The following MTHFD1 variants were observed in gnomAD, a reference collection of about 807,000 sequenced individuals.
The protein encoded by MTHFD1 is methylenetetrahydrofolate dehydrogenase, cyclohydrolase and formyltetrahydrofolate synthetase 1.
In MTHFD1, 44 loss-of-function variants were observed where a neutral mutation model predicts 110.3. The observed-to-expected ratio is 0.40, with a 90% CI of 0.31 to 0.51. The LOEUF is 0.51. Among genes scored for constraint, MTHFD1 ranks in the 20% least tolerant of loss-of-function variants. MTHFD1 has a pLI of 0.60. For missense variants in MTHFD1, 909 were observed against 1,173.1 expected (o/e 0.77, Z 3.29); for synonymous variants, 402 against 428.8 (o/e 0.94, Z 0.77).
intron 24 of MTHFD1, among the ~76,000 whole-genome samples, chr14:64,452,518 G>T (rs1328223987): frequency 6.6e-6 from 1 of 152,170 alleles, no homozygotes; most frequent in Non-Finnish European, 1.5e-5. Context: ...TGAAGGCTTT[G>T]CCCCGGAGGA....
In MTHFD1 at chr14:64,415,390, C is replaced by G; in HGVS notation, c.273C>G (p.Asp91Glu). ...VMKYITSLNE[D>E]STVHGFLVQL... ...AGTACATTACATCTTTGAATGAAGA[C>G]TCTACTGTACATGGGTTCTTAGTGC... The change falls in exon 5 of 28, where the codon GAC becomes GAG. Residue 91 changes from aspartate (D) to glutamate (E), a missense_variant. Physicochemically the swap from Asp to Glu is conservative, Grantham distance 45. Around this residue, in one of 3 missense-constraint regions of MTHFD1, gnomAD observed 424 missense variants for 510.4 expected, o/e 0.83. Transcript: ENST00000652337. 6.2e-7 allele frequency: 1 copy of G among 1,609,478 alleles called. No homozygotes were observed. The highest frequency in any genetic ancestry group is 1.7e-4 in the Middle Eastern group (1 of 6,054).
intron 3 of MTHFD1, 77 bp downstream of exon 3, chr14:64,411,226 G>C: frequency 1.8e-6 from 2 of 1,123,590 alleles, no homozygotes. Flanking sequence ...GCCCTTTTTG[G>C]TCCTCCCTGT....
At position 64,427,486 on chromosome 14, in the gene MTHFD1, C is replaced by T. The variant is rs2078127072; in HGVS notation, c.1264+13C>T. 1.2e-6 allele frequency: 2 copies of T among 1,613,968 alleles called. No homozygotes were observed. The highest frequency in any genetic ancestry group is 1.7e-5 in the Admixed American group (1 of 60,018). ...TTTGGAATAAAAGGTACTAGTGAGA[C>T]TGGACCATGGGTGGTGACAGGGGAC... On this transcript the variant is annotated intron_variant, in intron 12 of 27. Transcript: ENST00000652337.
chr14:64,452,756 A>G (rs1343105883), intron 24 of MTHFD1, among the ~76,000 whole-genome samples: 3 of 152,232 alleles, frequency 2.0e-5, no homozygotes, highest in African/African-American at 4.8e-5. Context: ...CCTCTCATAT[A>G]CAGACTGGGA....
chr14:64,424,822 G>A lies in MTHFD1; in HGVS notation c.746G>A (p.Gly249Glu). ...TGACCAGATGATAAAAAACCAAATG[G>A]GAGAAAAGTTGTGGGTGATGTGGCA... ...NYVPDDKKPNGRKVVGDVAYD... is the reference protein window; with the variant it reads ...NYVPDDKKPNERKVVGDVAYD... Residue 249 changes from glycine to glutamate, a missense_variant, in exon 9 of 28, where the codon GGG becomes GAG. Physicochemically the swap from Gly to Glu is moderately conservative, Grantham distance 98 (BLOSUM62 -2). Around this residue, in one of 3 missense-constraint regions of MTHFD1, gnomAD observed 424 missense variants for 510.4 expected, o/e 0.83. Transcript: ENST00000652337. The A allele has an allele frequency of 6.2e-7, 1 of 1,614,068 alleles. No individual in the cohort carries two copies. The highest frequency in any genetic ancestry group is 8.5e-7 in the Non-Finnish European group (1 of 1,180,020).
At chr14:64,426,221 A>G (rs1232630512) in intron 11 of MTHFD1, 29 bp downstream of exon 11, 17 of 1,613,882 alleles carry the variant, frequency 1.1e-5, no homozygotes, top group African/African-American at 1.3e-5. Context: ...TTGCCATCCA[A>G]ATCTTAGTAT....
chr14:64,397,098 G>T (rs1167198466), intron 1 of MTHFD1, among the ~76,000 whole-genome samples: 1 of 44,808 alleles, frequency 2.2e-5, no homozygotes, highest in Non-Finnish European at 3.4e-5. Flanking sequence ...GAGGGAGACT[G>T]CGTCTCAAAA....
At chr14:64,436,730 T>C (rs8016556) in intron 16 of MTHFD1, among the ~76,000 whole-genome samples, 47,566 of 152,116 alleles carry the variant, frequency 0.31, 7,826 homozygotes, top group East Asian at 0.59. Context: ...TAAAACCACA[T>C]TGGAATTTCT....
intron 21 of MTHFD1, 87 bp from the exon 22 acceptor site, chr14:64,444,606 G>T (rs1003095250): frequency 1.4e-6 from 2 of 1,432,476 alleles, no homozygotes; most frequent in Admixed American, 1.7e-5. Flanking sequence ...GCATTGCAGC[G>T]TCTTGCCTTT....
At chr14:64,422,864 C>G (rs1401285152) in intron 8 of MTHFD1, 1 of 152,114 alleles carries the variant, frequency 6.6e-6, no homozygotes, top group Non-Finnish European at 1.5e-5. Context: ...ATCCTATCCA[C>G]GAAGCACTGC....
chr14:64,434,753 T>C (rs924330279), intron 15 of MTHFD1, among the ~76,000 whole-genome samples: 1 of 151,868 alleles, frequency 6.6e-6, no homozygotes, highest in African/African-American at 2.4e-5. Context: ...AGTACACTTA[T>C]CCAGCAACGG....
At chr14:64,439,905 AAAAAAAAAAAAAAT>A (rs1238689841) in intron 17 of MTHFD1, among the ~76,000 whole-genome samples, 4 of 147,896 alleles carry the variant, frequency 2.7e-5, no homozygotes, top group Non-Finnish European at 5.9e-5. Context: ...AAAAAAAAAA[AAAAAAAAAAAAAAT>A]GACAACTCAG....
chr14:64,413,180 T>C (rs1026582956), intron 4 of MTHFD1, among the ~76,000 whole-genome samples: 15 of 151,788 alleles, frequency 9.9e-5, no homozygotes, highest in East Asian at 2.0e-4. Context: ...GGAGAAACCC[T>C]GTCTCTACTA....
At chr14:64,404,718 C>G (rs2077924141) in intron 2 of MTHFD1, among the ~76,000 whole-genome samples, 1 of 152,134 alleles carries the variant, frequency 6.6e-6, no homozygotes, top group South Asian at 2.1e-4. Flanking sequence ...TGCCTATAAT[C>G]CCAGCACTTT....
intron 22 of MTHFD1, among the ~76,000 whole-genome samples, chr14:64,447,249 G>A (rs904143427): frequency 2.0e-5 from 3 of 149,276 alleles, no homozygotes; most frequent in Admixed American, 6.8e-5. Context: ...TCCGCCTCTG[G>A]GGTTCAAGTG....
At chr14:64,403,254 C>T (rs1360114981) in intron 2 of MTHFD1, among the ~76,000 whole-genome samples, 1 of 149,904 alleles carries the variant, frequency 6.7e-6, no homozygotes, top group Non-Finnish European at 1.5e-5. Flanking sequence ...GCTGGGATTA[C>T]AGGCACCTGC....
At chr14:64,451,855 T>C (rs535956321) in intron 24 of MTHFD1, among the ~76,000 whole-genome samples, 12 of 152,362 alleles carry the variant, frequency 7.9e-5, no homozygotes, top group African/African-American at 2.6e-4. Flanking sequence ...ATGAGATGCA[T>C]ATGAAAATAA....
chr14:64,405,882 A>T (rs2077931803), intron 2 of MTHFD1, among the ~76,000 whole-genome samples: 1 of 152,018 alleles, frequency 6.6e-6, no homozygotes, highest in African/African-American at 2.4e-5. Context: ...TTGGGACAAG[A>T]GTGTTTTAGA....
At chr14:64,420,095 T>G (rs1046297048) in intron 8 of MTHFD1, among the ~76,000 whole-genome samples, 170 bp downstream of exon 8, 2 of 152,184 alleles carry the variant, frequency 1.3e-5, no homozygotes, top group African/African-American at 4.8e-5. Context: ...AGTTGCCACT[T>G]GCAGGCAGGT....
Sources: gnomAD v4.1 joint callset for allele counts (sites outside exome capture counted in the v4.1 genomes callset) on GRCh38, gnomAD v4.1.1 for gene constraint, gnomAD v4.1.1 regional missense constraint, MANE v1.5 for transcripts, NCBI Gene and HGNC (gene_info 2026-07-23, HGNC 2026-07-21) for gene names.